IPO11: variants seen among roughly 807,000 people sequenced by gnomAD.
IPO11 encodes importin 11.
IPO11 carries 66 observed loss-of-function variants against 143.2 expected under a neutral mutation model. The observed-to-expected ratio is 0.46, with a 90% CI of 0.38 to 0.57. The LOEUF (loss-of-function observed/expected upper bound fraction) is 0.57, where lower values mean the gene tolerates loss of function less well. Ranked by LOEUF, IPO11 falls within the 20% of genes least tolerant of loss-of-function variation. IPO11 has a pLI of 0.00. For synonymous variants in IPO11, 385 were observed against 377.8 expected (o/e 1.02, Z -0.22); for missense variants, 1,026 against 1,141.0 (o/e 0.90, Z 1.45).
chr5:62,568,835 T>TCAGCATCAAAAAAATATC (rs1744044104), intron 27 of IPO11, among the ~76,000 whole-genome samples: 2 of 152,136 alleles, frequency 1.3e-5, no homozygotes, highest in Non-Finnish European at 2.9e-5. Context: ...CTTTAAAGAA[T>TCAGCATCAAAAAAATATC]TAGATATTTT....
intron 19 of IPO11, among the ~76,000 whole-genome samples, chr5:62,507,497 G>A (rs1258412551): frequency 6.6e-6 from 1 of 152,138 alleles, no homozygotes; most frequent in Non-Finnish European, 1.5e-5. Flanking sequence ...TTTGGGCAAA[G>A]TCTTTAACCT....
intron 1 of IPO11, among the ~76,000 whole-genome samples, chr5:62,436,478 T>C (rs1213128908): frequency 6.6e-6 from 1 of 152,206 alleles, no homozygotes; most frequent in Non-Finnish European, 1.5e-5. Context: ...ATCCTTATAT[T>C]TTGTACGTGT....
At chr5:62,419,432 A>G (rs991055896) in intron 1 of IPO11, among the ~76,000 whole-genome samples, 1 of 152,238 alleles carries the variant, frequency 6.6e-6, no homozygotes, top group African/African-American at 2.4e-5. Flanking sequence ...TAAAACACAA[A>G]TACATTGTGT....
rs116771551 is a variant in IPO11 at position 62,623,204 on chromosome 5, A to G, written c.2764-3950A>G. Among the ~76,000 whole-genome samples, 548 of 152,334 alleles carry G rather than the reference A, an allele frequency of 3.6e-3. 4 individuals are homozygous for G. The highest frequency in any genetic ancestry group is 0.013 in the African/African-American group (534 of 41,574). On this transcript the variant is annotated intron_variant, in intron 29 of 29. Coordinates refer to ENST00000325324, the MANE Select transcript of IPO11 (RefSeq NM_016338.5). ...TAATTAAGGAATTTTTGAAGACCAC[A>G]TGGTTAAATACATTGTTGTAGATCA...
At chr5:62,443,108 C>G (rs1436962246) in intron 3 of IPO11, 25 bp downstream of exon 3, 74 of 1,425,404 alleles carry the variant, frequency 5.2e-5, no homozygotes, top group Non-Finnish European at 7.3e-5. Context: ...TTCCCCTATT[C>G]CTTGAGTATA....
intron 8 of IPO11, among the ~76,000 whole-genome samples, 186 bp from the exon 9 acceptor site, chr5:62,476,497 A>G (rs1745961365): frequency 1.3e-5 from 2 of 152,312 alleles, no homozygotes; most frequent in African/African-American, 4.8e-5. Context: ...TTAATTTTAT[A>G]TAATATGGCA....
In IPO11 at chr5:62,420,544, C is replaced by T. The variant is rs529780597; in HGVS notation, c.-7+7615C>T. On this transcript the variant is annotated intron_variant, in intron 1 of 29. Coordinates refer to ENST00000325324, the MANE Select transcript of IPO11 (RefSeq NM_016338.5). ...AAGCTCCATTAAAATCTTACGGGAT[C>T]ACTGTCGTATATATGTGGTCCATAT... Among the ~76,000 whole-genome samples, 4 of 151,824 alleles carry T rather than the reference C, an allele frequency of 2.6e-5. 1 individual carries two copies. In the South Asian group the frequency reaches 8.3e-4, roughly 32 times the overall value.
intron 12 of IPO11, 56 bp downstream of exon 12, chr5:62,485,518 C>T: frequency 2.3e-6 from 3 of 1,320,142 alleles, no homozygotes; most frequent in South Asian, 1.2e-5. Flanking sequence ...TTCTAAAGCT[C>T]TTAGTAGAGA....
Position 62,435,128 on chromosome 5 carries a change from A to ATATGTATG in IPO11, c.-6-2143_-6-2142insGTATGTAT, listed in dbSNP as rs1561308864. 1.9e-3 allele frequency among the ~76,000 whole-genome samples: 164 copies of ATATGTATG among 86,166 alleles called. 5 individuals carry two copies. Among genetic ancestry groups the ATATGTATG allele is most frequent in the Middle Eastern group, 6.0e-3 (1 of 166 alleles). The allele number at this position is 86,166 out of a possible 152,430, so 56.5% of individuals were successfully genotyped here. A position where few individuals can be genotyped will look rare whatever the true frequency, so the allele number is the denominator to read the frequency against. ...TATATATGTATATATGTATATATGTATATATATGTATATATGTATATATGT... is the reference window on the plus strand; with the variant it reads ...TATATATGTATATATGTATATATGTATATGTATGTATATATGTATATATGTATATATGT... On this transcript the variant is annotated intron_variant, in intron 1 of 29. Coordinates refer to ENST00000325324, the MANE Select transcript of IPO11 (RefSeq NM_016338.5).
chr5:62,425,423 T>C (rs1196266057), intron 1 of IPO11, among the ~76,000 whole-genome samples: 1 of 152,212 alleles, frequency 6.6e-6, no homozygotes, highest in Non-Finnish European at 1.5e-5. Flanking sequence ...GTTCAGGCGA[T>C]TCTCCTGCCT....
chr5:62,539,522 G>A (rs889647788), intron 24 of IPO11, among the ~76,000 whole-genome samples: 1 of 152,102 alleles, frequency 6.6e-6, no homozygotes, highest in Admixed American at 6.6e-5. Context: ...TAGAGCAAGG[G>A]GTTTACTAAA....
chr5:62,550,075 G>C (rs1335757987), intron 24 of IPO11, among the ~76,000 whole-genome samples: 2 of 152,140 alleles, frequency 1.3e-5, no homozygotes, highest in Non-Finnish European at 2.9e-5. Context: ...GCAAGGGTAA[G>C]AATTACATTA....
rs1746309937 is a variant in IPO11, at chr5:62,484,075, A to G, written c.1087A>G (p.Thr363Ala). 1 of 1,610,232 alleles carries G rather than the reference A, an allele frequency of 6.2e-7. No homozygotes were observed. The highest frequency in any genetic ancestry group is 8.5e-7 in the Non-Finnish European group (1 of 1,178,406). Reference protein sequence around the residue: ...KMAFFTYPTLTEICRRLVSHY... With the variant: ...KMAFFTYPTLAEICRRLVSHY... Reference sequence around the variant, plus strand: ...GGCATTCTTCACATATCCTACTTTGACAGAGATATGTAGAAGATTAGTCTC... The same window carrying G: ...GGCATTCTTCACATATCCTACTTTGGCAGAGATATGTAGAAGATTAGTCTC... The change falls in exon 11 of 30, where the codon ACA (threonine) becomes GCA (alanine). Residue 363 changes from threonine (T) to alanine (A), a missense_variant. Thr to Ala is a moderately conservative substitution (Grantham distance 58, BLOSUM62 0). This residue lies in a region of IPO11 where 429 missense variants were observed against 456.3 expected (regional missense o/e 0.94). Transcript: ENST00000325324.
chr5:62,601,297 A>C (rs1190620502), intron 28 of IPO11: 1 of 152,692 alleles, frequency 6.5e-6, no homozygotes, highest in African/African-American at 2.4e-5. Context: ...CAAGTTCCTC[A>C]TAGCACAGTC....
At chr5:62,562,735 TAGA>T (rs1330553390) in intron 27 of IPO11, among the ~76,000 whole-genome samples, 1 of 152,224 alleles carries the variant, frequency 6.6e-6, no homozygotes, top group East Asian at 1.9e-4. Context: ...AGTCCAGTTT[TAGA>T]AGTCCTTATT....
At chr5:62,513,502 C>T (rs1233185896) in intron 19 of IPO11, among the ~76,000 whole-genome samples, 3 of 136,394 alleles carry the variant, frequency 2.2e-5, no homozygotes, top group African/African-American at 5.4e-5. Flanking sequence ...GCAGAGGCGC[C>T]CCTCACCTCC....
intron 25 of IPO11, among the ~76,000 whole-genome samples, chr5:62,551,019 G>GTGTA (rs1554054855): frequency 2.4e-4 from 35 of 144,334 alleles, no homozygotes; most frequent in African/African-American, 8.2e-4. Context: ...TCTCTTTATT[G>GTGTA]TATATATATA....
intron 16 of IPO11, among the ~76,000 whole-genome samples, chr5:62,502,202 C>T (rs1741369236): frequency 6.6e-6 from 1 of 152,156 alleles, no homozygotes; most frequent in South Asian, 2.1e-4. Flanking sequence ...CACTTACTCT[C>T]CCAATTTGGA....
intron 22 of IPO11, among the ~76,000 whole-genome samples, chr5:62,532,537 T>C (rs557614253): frequency 1.1e-3 from 167 of 152,168 alleles, no homozygotes; most frequent in African/African-American, 3.7e-3. Flanking sequence ...TTTGTATTTT[T>C]AGTAGTGATG....
Sources: allele counts gnomAD v4.1 joint callset (sites outside exome capture counted in the v4.1 genomes callset), GRCh38; gene constraint gnomAD v4.1.1; regional missense constraint gnomAD v4.1.1; transcripts MANE v1.5; gene names NCBI Gene and HGNC (gene_info 2026-07-23, HGNC 2026-07-21).